GRM8: variants seen among roughly 807,000 people sequenced by gnomAD.
GRM8 encodes metabotropic glutamate receptor 8.
A neutral mutation model predicts 87.2 loss-of-function variants in GRM8; 47 were observed. That is an observed-to-expected ratio of 0.54 (90% CI 0.43 to 0.69). The LOEUF (loss-of-function observed/expected upper bound fraction) is 0.69. Ranked by LOEUF, GRM8 falls within the 30% of genes least tolerant of loss-of-function variation. The pLI is 0.00. For synonymous variants in GRM8, 396 were observed against 404.5 expected, an observed-to-expected ratio of 0.98 and a Z score of 0.25; for missense variants, 1,019 against 1,139.2, an observed-to-expected ratio of 0.89 and a Z score of 1.52.
At chr7:127,044,867 A>C (rs1425598084) in intron 3 of GRM8, among the ~76,000 whole-genome samples, 1 of 152,238 alleles carries the variant, frequency 6.6e-6, no homozygotes, top group African/African-American at 2.4e-5. Context: ...AAAAAGTACA[A>C]AGGAAAATAT....
chr7:127,076,122 T>C, intron 3 of GRM8: 1 of 456,356 alleles, frequency 2.2e-6, no homozygotes, highest in Non-Finnish European at 4.4e-6. Flanking sequence ...CTTCGACTAA[T>C]AGACAGTTTG....
chr7:127,106,627 T>C lies in GRM8; in HGVS notation c.596A>G (p.Asp199Gly). Reference sequence around the variant, plus strand: ...CACCATGGCTTGGGCTTGGTAGGAGTCAGGCGGAACCACTCGAGAGAAAAA... The same window carrying C: ...CACCATGGCTTGGGCTTGGTAGGAGCCAGGCGGAACCACTCGAGAGAAAAA... Reference protein sequence around the residue: ...YDFFSRVVPPDSYQAQAMVDI... With the variant: ...YDFFSRVVPPGSYQAQAMVDI... Residue 199 changes from aspartate (D) to glycine (G), a missense_variant, in exon 3 of 11, where the codon GAC becomes GGC. Asp to Gly is a moderately conservative substitution (Grantham distance 94). Transcript: ENST00000339582. 6.2e-7 allele frequency: 1 copy of C among 1,613,862 alleles called. No homozygotes were observed. The highest frequency in any genetic ancestry group is 8.5e-7 in the Non-Finnish European group (1 of 1,179,900).
At chr7:126,851,860 T>C (rs1452679369) in intron 6 of GRM8, among the ~76,000 whole-genome samples, 2 of 152,174 alleles carry the variant, frequency 1.3e-5, no homozygotes, top group East Asian at 3.9e-4. Flanking sequence ...TAATATACTA[T>C]ATATTTACCA....
At chr7:126,456,578 G>GTTAGAAT (rs1159574495) in intron 9 of GRM8, among the ~76,000 whole-genome samples, 5 of 132,378 alleles carry the variant, frequency 3.8e-5, no homozygotes, top group African/African-American at 1.5e-4. Flanking sequence ...AGAGAATTCA[G>GTTAGAAT]TTAGAATTCA....
chr7:126,996,097 T>A, intron 3 of GRM8, among the ~76,000 whole-genome samples: 1 of 152,092 alleles, frequency 6.6e-6, no homozygotes, highest in East Asian at 1.9e-4. Context: ...GAATAGTATA[T>A]TCTGTGAAAA....
intron 8 of GRM8, among the ~76,000 whole-genome samples, chr7:126,584,168 GT>G (rs919675051): frequency 1.3e-5 from 2 of 152,048 alleles, no homozygotes; most frequent in African/African-American, 4.8e-5. Context: ...TAAGATACGT[GT>G]TTTTTTAGAT....
chr7:126,919,528 G>A (rs917670382), intron 3 of GRM8, among the ~76,000 whole-genome samples: 3 of 151,756 alleles, frequency 2.0e-5, no homozygotes, highest in African/African-American at 4.8e-5. Context: ...CTGATTTTTT[G>A]TTAGAGTATT....
intron 3 of GRM8, among the ~76,000 whole-genome samples, chr7:126,982,045 T>C (rs1276185577): frequency 6.6e-6 from 1 of 152,134 alleles, no homozygotes; most frequent in East Asian, 1.9e-4. Flanking sequence ...ACTCACATGA[T>C]CACAAGGTCC....
At chr7:127,068,026 C>T (rs1422306816) in intron 3 of GRM8, among the ~76,000 whole-genome samples, 1 of 152,118 alleles carries the variant, frequency 6.6e-6, no homozygotes, top group African/African-American at 2.4e-5. Flanking sequence ...CACAACAGAG[C>T]AGATCCTTTC....
chr7:126,819,458 C>G (rs1326255074), intron 6 of GRM8, among the ~76,000 whole-genome samples: 3 of 152,196 alleles, frequency 2.0e-5, no homozygotes, highest in African/African-American at 7.2e-5. Flanking sequence ...CTCTGCTAAA[C>G]TATGAATTTC....
intron 3 of GRM8, among the ~76,000 whole-genome samples, chr7:126,950,973 T>C (rs1808078029): frequency 6.6e-6 from 1 of 151,942 alleles, no homozygotes; most frequent in Non-Finnish European, 1.5e-5. Context: ...ATATTAAACT[T>C]CCTTAGTCTG....
intron 6 of GRM8, among the ~76,000 whole-genome samples, chr7:126,829,002 T>C: frequency 6.6e-6 from 1 of 152,218 alleles, no homozygotes; most frequent in Non-Finnish European, 1.5e-5. Flanking sequence ...TTCCATGTAG[T>C]TGAGAGGTTT....
At chr7:126,825,334 G>C (rs1250181754) in intron 6 of GRM8, among the ~76,000 whole-genome samples, 2 of 152,086 alleles carry the variant, frequency 1.3e-5, no homozygotes, top group Non-Finnish European at 2.9e-5. Flanking sequence ...CCAAAGTGCT[G>C]GGATTACAGG....
intron 2 of GRM8, among the ~76,000 whole-genome samples, 179 bp downstream of exon 2, chr7:127,242,516 G>A (rs374348855): frequency 6.6e-6 from 1 of 151,538 alleles, no homozygotes; most frequent in South Asian, 2.1e-4. Flanking sequence ...TGTAAGTAAT[G>A]GAACTAAACC....
chr7:126,913,687 G>T (rs900062192), intron 3 of GRM8, among the ~76,000 whole-genome samples: 2 of 152,074 alleles, frequency 1.3e-5, no homozygotes, highest in Non-Finnish European at 2.9e-5. Context: ...AAAGTAATTG[G>T]TCCTTTAGTG....
intron 2 of GRM8, among the ~76,000 whole-genome samples, chr7:127,208,033 A>G (rs1038949739): frequency 6.6e-6 from 1 of 152,152 alleles, no homozygotes; most frequent in African/African-American, 2.4e-5. Flanking sequence ...CGATTCCACA[A>G]GCCATACCCA....
intron 3 of GRM8, among the ~76,000 whole-genome samples, chr7:126,936,422 G>A (rs1806327678): frequency 6.6e-6 from 1 of 152,030 alleles, no homozygotes; most frequent in Admixed American, 6.6e-5. Flanking sequence ...CCGTCAATAG[G>A]ATTGTGTTAC....
At chr7:126,612,978 A>G (rs900206653) in intron 7 of GRM8, among the ~76,000 whole-genome samples, 53 of 152,242 alleles carry the variant, frequency 3.5e-4, no homozygotes, top group African/African-American at 1.2e-3. Flanking sequence ...GTTAATCACC[A>G]GTAGCTGAAG....
At chr7:126,764,285 G>C (rs149789775) in intron 7 of GRM8, among the ~76,000 whole-genome samples, 144 of 152,050 alleles carry the variant, frequency 9.5e-4, no homozygotes, top group Non-Finnish European at 1.2e-3. Context: ...TATAGACTGA[G>C]AAAGATGTGC....
Sources: allele counts gnomAD v4.1 joint callset (sites outside exome capture counted in the v4.1 genomes callset), GRCh38; gene constraint gnomAD v4.1.1; transcripts MANE v1.5; gene names NCBI Gene and HGNC (gene_info 2026-07-23, HGNC 2026-07-21).